Variants in BRDT observed in about 807,000 individuals in gnomAD.
The protein encoded by BRDT is bromodomain testis-specific protein.
BRDT carries 77 observed loss-of-function variants against 113.9 expected under a neutral mutation model. The ratio of observed to expected loss-of-function variants is 0.68; its 90% confidence interval spans 0.56 to 0.82. The LOEUF (loss-of-function observed/expected upper bound fraction) is 0.82, where lower values mean the gene tolerates loss of function less well. Among genes scored for constraint, BRDT ranks in the 40% least tolerant of loss-of-function variants. The pLI, the probability that BRDT is intolerant of heterozygous loss-of-function variation, is 0.00. For missense variants in BRDT, 1,027 were observed against 1,105.4 expected (o/e 0.93, Z 1.01); for synonymous variants, 358 against 366.5 (o/e 0.98, Z 0.26).
At chr1:92,004,389 A>G in intron 16 of BRDT, 25 bp from the exon 17 acceptor site, 1 of 1,562,196 alleles carries the variant, frequency 6.4e-7, no homozygotes, top group Non-Finnish European at 8.7e-7. Context: ...CTGTAGACAT[A>G]GACTGAACCA....
chr1:91,977,518 G>A (rs755572557), intron 6 of BRDT, 125 bp downstream of exon 6: 23 of 811,908 alleles, frequency 2.8e-5, no homozygotes, highest in Non-Finnish European at 4.3e-5. Context: ...CACACTATCT[G>A]GAGTGAGTCT....
At chr1:91,984,347 CA>C (rs902094254) in intron 12 of BRDT, among the ~76,000 whole-genome samples, 1 of 150,980 alleles carries the variant, frequency 6.6e-6, no homozygotes, top group Non-Finnish European at 1.5e-5. Context: ...ACAACACACA[CA>C]AAAAAAAGCC....
intron 3 of BRDT, among the ~76,000 whole-genome samples, chr1:91,967,723 G>T (rs1044183358): frequency 6.6e-5 from 10 of 152,112 alleles, no homozygotes; most frequent in African/African-American, 2.4e-4. Flanking sequence ...AGTAGAGACA[G>T]GGTTTCTCCA....
At chr1:91,956,701 G>A (rs1203739016) in intron 1 of BRDT, among the ~76,000 whole-genome samples, 1 of 152,146 alleles carries the variant, frequency 6.6e-6, no homozygotes, top group Non-Finnish European at 1.5e-5. Flanking sequence ...CTTTTGGGAG[G>A]CTGAGGTGAG....
intron 12 of BRDT, among the ~76,000 whole-genome samples, chr1:91,982,243 T>C (rs1364033487): frequency 6.6e-6 from 1 of 152,210 alleles, no homozygotes; most frequent in Admixed American, 6.5e-5. Flanking sequence ...GATTTTTTTT[T>C]CTACTTCTTT....
intron 12 of BRDT, among the ~76,000 whole-genome samples, chr1:91,989,811 G>T (rs957379294): frequency 6.6e-6 from 1 of 152,062 alleles, no homozygotes; most frequent in African/African-American, 2.4e-5. Flanking sequence ...TTAAATACTT[G>T]AATTATTTAA....
chr1:91,999,037 G>A (rs1021783408), intron 15 of BRDT, among the ~76,000 whole-genome samples: 3 of 152,108 alleles, frequency 2.0e-5, no homozygotes, highest in African/African-American at 7.2e-5. Context: ...TGATTAATTT[G>A]CCAATATTAT....
In BRDT at chr1:91,981,330, C is replaced by G; in HGVS notation, c.1813C>G (p.Arg605Gly). ...ACAGAAAAAACAGGAATTGGAAAAGCGGTTACTGGATGTTAATAATCAGTT... is the reference window on the plus strand; with the variant it reads ...ACAGAAAAAACAGGAATTGGAAAAGGGGTTACTGGATGTTAATAATCAGTT... Reference protein sequence around the residue: ...HSQKKQELEKRLLDVNNQLNS... With the variant: ...HSQKKQELEKGLLDVNNQLNS... The change falls in exon 11 of 19, where the codon CGG becomes GGG. Residue 605 changes from arginine to glycine, a missense_variant. Coordinates refer to ENST00000399546, the MANE Select transcript of BRDT (RefSeq NM_207189.4). The G allele has an allele frequency of 6.2e-7, 1 of 1,613,978 alleles. No individual in the cohort carries two copies. The highest frequency in any genetic ancestry group is 1.1e-5 in the South Asian group (1 of 91,054).
At chr1:91,999,188 G>C (rs902897404) in intron 15 of BRDT, among the ~76,000 whole-genome samples, 1 of 152,080 alleles carries the variant, frequency 6.6e-6, no homozygotes, top group Admixed American at 6.6e-5. Context: ...TGCAAGAGTA[G>C]AATGGGCAGG....
rs375752490 is a variant in BRDT at position 91,963,962 on chromosome 1, C to T, written c.193-665C>T. Among the ~76,000 whole-genome samples the T allele has an allele frequency of 5.3e-5, 8 of 152,180 alleles. No homozygotes were observed. In the South Asian group the frequency reaches 1.0e-3, roughly 20 times the overall value. On this transcript the variant is annotated intron_variant, in intron 2 of 18. Coordinates refer to ENST00000399546, the MANE Select transcript of BRDT (RefSeq NM_207189.4). Reference sequence around the variant, plus strand: ...TCTCTGACCGCTGCAACCTCTGCCTCCTGGGCTCAAGTGATTCTTGGGCCT... The same window carrying T: ...TCTCTGACCGCTGCAACCTCTGCCTTCTGGGCTCAAGTGATTCTTGGGCCT...
intron 1 of BRDT, among the ~76,000 whole-genome samples, chr1:91,958,228 T>TTG (rs1443223673): frequency 1.3e-5 from 2 of 150,998 alleles, no homozygotes; most frequent in African/African-American, 4.9e-5. Context: ...TTTTTTTTTT[T>TTG]TTTTTTAAAA....
chr1:91,980,567 G>A (rs1327448509), intron 8 of BRDT, 76 bp from the exon 9 acceptor site: 1 of 1,237,056 alleles, frequency 8.1e-7, no homozygotes, highest in Admixed American at 2.9e-5. Flanking sequence ...CTTGACTTTG[G>A]AGTGGCTTGA....
intron 3 of BRDT, among the ~76,000 whole-genome samples, chr1:91,966,673 C>G (rs185539602): frequency 1.5e-3 from 227 of 152,284 alleles, no homozygotes; most frequent in Non-Finnish European, 1.5e-3. Flanking sequence ...AATAAATGTT[C>G]TCTTTATTTA....
In BRDT at chr1:91,973,262, C is replaced by A. The variant is rs190888121; in HGVS notation, c.446-3004C>A. On this transcript the variant is annotated intron_variant, in intron 4 of 18. Transcript: ENST00000399546. ...TTGGCTTAGGATTGACTTGGCAATG[C>A]GGGCTCTTTTTTAGTTCCATATGAA... Among the ~76,000 whole-genome samples, 1,275 of 152,124 alleles carry A rather than the reference C, an allele frequency of 8.4e-3. 10 individuals are homozygous for A. Among genetic ancestry groups the A allele is most frequent in the South Asian group, 0.041 (196 of 4,814 alleles).
rs772469920 is a variant in BRDT at position 91,981,044 on chromosome 1, CAA to C, written c.1617_1618del (p.Glu541AlafsTer9). On this transcript the variant is annotated frameshift_variant, in exon 10 of 19. Transcript: ENST00000399546. LOFTEE classifies it high-confidence loss of function. ...GGGCGAGTAGTTCACATAATACAAT[CAA>C]GAGAGCCTTCTCTGAGCAATTCCAA... The C allele has an allele frequency of 6.2e-7, 1 of 1,614,050 alleles. No individual in the cohort carries two copies. Among genetic ancestry groups the C allele is most frequent in the East Asian group, 2.2e-5 (1 of 44,838 alleles).
At chr1:91,982,656 G>A (rs867511437) in intron 12 of BRDT, among the ~76,000 whole-genome samples, 2 of 152,204 alleles carry the variant, frequency 1.3e-5, no homozygotes, top group Middle Eastern at 3.4e-3. Flanking sequence ...GTGGTAGTAT[G>A]GTCTGCTGAC....
At chr1:91,981,536 G>A in intron 11 of BRDT, 82 bp from the exon 12 acceptor site, 2 of 1,578,646 alleles carry the variant, frequency 1.3e-6, no homozygotes, top group Non-Finnish European at 1.7e-6. Flanking sequence ...GCGCGACCAT[G>A]CCCAGCCTAG....
Position 91,997,403 on chromosome 1 carries a change from A to G in BRDT, c.2287+3149A>G, listed in dbSNP as rs2101772615. Among the ~76,000 whole-genome samples the G allele has an allele frequency of 2.6e-5, 4 of 152,294 alleles. 1 individual carries two copies. Among genetic ancestry groups the G allele is most frequent in the African/African-American group, 9.6e-5 (4 of 41,562 alleles). Reference sequence around the variant, plus strand: ...AAATAGATTTTTTGGAGGAGTGGGCAAGATTATTTTGAGTTTTTTAATTGG... The same window carrying G: ...AAATAGATTTTTTGGAGGAGTGGGCGAGATTATTTTGAGTTTTTTAATTGG... On this transcript the variant is annotated intron_variant, in intron 15 of 18. Transcript: ENST00000399546.
intron 15 of BRDT, among the ~76,000 whole-genome samples, chr1:91,995,300 C>G (rs1433212291): frequency 6.6e-6 from 1 of 152,056 alleles, no homozygotes; most frequent in Non-Finnish European, 1.5e-5. Flanking sequence ...ATCTCCCTAG[C>G]AGAATAAATT....
Sources: allele counts gnomAD v4.1 joint callset (sites outside exome capture counted in the v4.1 genomes callset), GRCh38; gene constraint gnomAD v4.1.1; transcripts MANE v1.5; gene names NCBI Gene and HGNC (gene_info 2026-07-23, HGNC 2026-07-21).